The following DIS3L variants were observed in gnomAD, a reference collection of about 807,000 sequenced individuals.
The protein encoded by DIS3L is DIS3-like exonuclease 1.
A neutral mutation model predicts 120.3 loss-of-function variants in DIS3L; 100 were observed. The ratio of observed to expected loss-of-function variants is 0.83; its 90% CI spans 0.71 to 0.98. DIS3L has a LOEUF of 0.98. DIS3L is among the 50% of genes least tolerant of loss of function. The probability of loss-of-function intolerance (pLI) is 0.00; values close to 1 mark genes in which losing one functional copy is unlikely to be tolerated. For missense variants in DIS3L, 1,196 were observed against 1,314.2 expected (o/e 0.91, Z 1.39); for synonymous variants, 426 against 470.6 (o/e 0.91, Z 1.23).
chr15:66,324,107 T>C (rs373194770), intron 11 of DIS3L, among the ~76,000 whole-genome samples: 1 of 152,236 alleles, frequency 6.6e-6, no homozygotes, highest in South Asian at 2.1e-4. Context: ...TTTCTAGATA[T>C]AATACATACA....
At chr15:66,320,193 A>C (rs2092866048) in intron 8 of DIS3L, among the ~76,000 whole-genome samples, 1 of 152,092 alleles carries the variant, frequency 6.6e-6, no homozygotes, top group African/African-American at 2.4e-5. Flanking sequence ...CAAAACATTA[A>C]GATTGTTGTT....
chr15:66,300,212 A>G (rs201741514), intron 2 of DIS3L, among the ~76,000 whole-genome samples: 1 of 152,366 alleles, frequency 6.6e-6, no homozygotes, highest in East Asian at 1.9e-4. Context: ...TTCAGCCATA[A>G]GATGGAATGA....
In DIS3L at chr15:66,330,085, G is replaced by A. The variant is rs1470837219; in HGVS notation, c.2535+686G>A. The A allele has an allele frequency of 2.2e-5, 21 of 976,184 alleles. No individual in the cohort carries two copies. In the East Asian group the frequency reaches 3.4e-4, roughly 16 times the overall value. 60.5% of individuals were successfully genotyped at this position (976,184 alleles called of 1,614,324 possible). On this transcript the variant is annotated intron_variant, in intron 14 of 16. Coordinates refer to ENST00000319212, the MANE Select transcript of DIS3L (RefSeq NM_001143688.3). ...TGGGAGGCTGAGGCAGGTGGATCAC[G>A]AGGTCAGGAGATCGAGACCATCCGG...
rs2140402441 is a variant in DIS3L, at chr15:66,326,059, G to C, written c.1896G>C (p.Leu632=). ...LEELVWAIGK[L]TDIARHVRAK... ...AGTTGGTGTGGGCAATTGGAAAGCTGACCGACATAGCTCGCCATGTCAGAG... is the reference window on the plus strand; with the variant it reads ...AGTTGGTGTGGGCAATTGGAAAGCTCACCGACATAGCTCGCCATGTCAGAG... The change falls in exon 12 of 17, where the codon CTG becomes CTC. Residue 632 remains leucine, a synonymous_variant. Transcript: ENST00000319212. 1.9e-6 allele frequency: 3 copies of C among 1,614,044 alleles called. No individual in the cohort carries two copies. Among genetic ancestry groups the C allele is most frequent in the Non-Finnish European group, 1.7e-6 (2 of 1,179,908 alleles).
At chr15:66,323,633 G>T in intron 11 of DIS3L, 48 bp downstream of exon 11, 1 of 1,576,012 alleles carries the variant, frequency 6.3e-7, no homozygotes, top group Non-Finnish European at 8.7e-7. Flanking sequence ...CCCTTCTGTG[G>T]CTCCTGATGC....
In DIS3L at chr15:66,293,735, G is replaced by T. The variant is rs1200174871; in HGVS notation, c.139G>T (p.Asp47Tyr). The T allele has an allele frequency of 1.6e-6, 2 of 1,266,340 alleles. No homozygotes were observed. Among genetic ancestry groups the T allele is most frequent in the East Asian group, 7.0e-5 (2 of 28,476 alleles). The allele number at this position is 1,266,340 out of a possible 1,614,324, so 78.4% of individuals were successfully genotyped here. A position where few individuals can be genotyped will look rare whatever the true frequency, so the allele number is the denominator to read the frequency against. ...CCCGCAGCCCGCCGCCTGCAGCCACGGTCAGGGCCGGGGCGGGGGCGGGGA... is the reference window on the plus strand; with the variant it reads ...CCCGCAGCCCGCCGCCTGCAGCCACTGTCAGGGCCGGGGCGGGGGCGGGGA... ...LCPQPAACSH[D>Y]GKLLSSDVTH... The change falls in exon 1 of 17, where the codon GAT (aspartate) becomes TAT (tyrosine). Residue 47 changes from aspartate to tyrosine, a missense_variant and splice_region_variant. By Grantham distance (160) the Asp-to-Tyr change is radical. Transcript: ENST00000319212.
chr15:66,305,087 G>A (rs1316050967), intron 2 of DIS3L, among the ~76,000 whole-genome samples: 2 of 134,204 alleles, frequency 1.5e-5, no homozygotes, highest in African/African-American at 5.7e-5. Flanking sequence ...TGCAAGCTCC[G>A]CCTCCAGGGT....
intron 2 of DIS3L, among the ~76,000 whole-genome samples, chr15:66,298,450 C>G (rs2092613651): frequency 1.3e-5 from 2 of 152,108 alleles, no homozygotes; most frequent in Non-Finnish European, 2.9e-5. Flanking sequence ...GCTAAATAAT[C>G]AAAGTAACAA....
At chr15:66,293,929 T>A in intron 1 of DIS3L, 194 bp downstream of exon 1, 2 of 998,108 alleles carry the variant, frequency 2.0e-6, no homozygotes, top group Non-Finnish European at 2.4e-6. Context: ...CCGCGGCTTC[T>A]GGGGCGCCCG....
At chr15:66,302,629 T>C (rs1044029148) in intron 2 of DIS3L, among the ~76,000 whole-genome samples, 3 of 152,190 alleles carry the variant, frequency 2.0e-5, no homozygotes, top group African/African-American at 7.2e-5. Context: ...CATTCCGCCC[T>C]GCTCTCGTCT....
intron 7 of DIS3L, among the ~76,000 whole-genome samples, chr15:66,315,878 C>A (rs777233371): frequency 2.6e-5 from 4 of 152,162 alleles, no homozygotes; most frequent in African/African-American, 9.7e-5. Flanking sequence ...CAGCCTCCAT[C>A]GTCTGGAAGC....
At chr15:66,299,773 C>T (rs1312355067) in intron 2 of DIS3L, among the ~76,000 whole-genome samples, 1 of 152,112 alleles carries the variant, frequency 6.6e-6, no homozygotes, top group Non-Finnish European at 1.5e-5. Context: ...ACATCATACA[C>T]AGCCGGGCGC....
intron 2 of DIS3L, among the ~76,000 whole-genome samples, chr15:66,298,695 T>C (rs2092616140): frequency 1.3e-5 from 2 of 152,346 alleles, no homozygotes; most frequent in African/African-American, 4.8e-5. Flanking sequence ...TTCAGGATAA[T>C]CACATGTTCT....
intron 12 of DIS3L, among the ~76,000 whole-genome samples, chr15:66,327,174 C>T (rs901325035): frequency 1.3e-5 from 2 of 151,190 alleles, no homozygotes; most frequent in African/African-American, 2.4e-5. Context: ...ATGATTCGCC[C>T]GTCTCGGTCT....
intron 9 of DIS3L, among the ~76,000 whole-genome samples, chr15:66,322,198 G>A (rs1369031874): frequency 1.3e-5 from 2 of 152,084 alleles, no homozygotes; most frequent in African/African-American, 4.8e-5. Context: ...CAAATTGATG[G>A]CTTAAACAGA....
At chr15:66,323,021 CAT>C in intron 10 of DIS3L, 87 bp downstream of exon 10, 5 of 1,507,458 alleles carry the variant, frequency 3.3e-6, no homozygotes, top group Admixed American at 2.1e-5. Flanking sequence ...TCAAAGATCT[CAT>C]GTTTGTGCAA....
intron 11 of DIS3L, among the ~76,000 whole-genome samples, chr15:66,325,298 G>A: frequency 6.6e-6 from 1 of 152,142 alleles, no homozygotes; most frequent in South Asian, 2.1e-4. Context: ...GGTGGCTGAG[G>A]CAGGAGAATC....
At chr15:66,328,621 C>T (rs779629917) in intron 12 of DIS3L, among the ~76,000 whole-genome samples, 1 of 152,106 alleles carries the variant, frequency 6.6e-6, no homozygotes, top group Non-Finnish European at 1.5e-5. Context: ...ACACCAAGTC[C>T]ATTATTTTAC....
intron 14 of DIS3L, among the ~76,000 whole-genome samples, chr15:66,330,961 C>G (rs1024333038): frequency 1.3e-5 from 2 of 152,058 alleles, no homozygotes; most frequent in Non-Finnish European, 2.9e-5. Flanking sequence ...TCCAGAGCAG[C>G]CTGGCCAACA....
Sources: gnomAD v4.1 joint callset for allele counts (sites outside exome capture counted in the v4.1 genomes callset) on GRCh38, gnomAD v4.1.1 for gene constraint, MANE v1.5 for transcripts, NCBI Gene and HGNC (gene_info 2026-07-23, HGNC 2026-07-21) for gene names.